The following DNAH17 variants were observed in gnomAD, a reference collection of about 807,000 sequenced individuals.
DNAH17 encodes axonemal beta dynein heavy chain 17.
A neutral mutation model predicts 485.6 loss-of-function variants in DNAH17; 376 were observed. The ratio of observed to expected loss-of-function variants is 0.77; its 90% CI spans 0.71 to 0.84. DNAH17 has a LOEUF of 0.84. Ranked by LOEUF, DNAH17 falls within the 40% of genes least tolerant of loss-of-function variation. The pLI is 0.00. For synonymous variants in DNAH17, 3,031 were observed against 2,405.9 expected (o/e 1.26, Z -7.60); for missense variants, 6,370 against 5,839.3 (o/e 1.09, Z -2.96).
rs199765397 is a variant in DNAH17 at position 78,476,594 on chromosome 17, G to A, written c.8132C>T (p.Ala2711Val). Reference protein sequence around the residue: ...DQETLHRVTMASTKKFFDDLG... With the variant: ...DQETLHRVTMVSTKKFFDDLG... ...TACATCAAAGAACTTCTTGGTGGAG[G>A]CCATGGTGACTCTATGCAATGTTTC... Residue 2711 changes from alanine to valine, a missense_variant, in exon 52 of 81, where the codon GCC (alanine) becomes GTC (valine). Coordinates refer to ENST00000389840, the MANE Select transcript of DNAH17 (RefSeq NM_173628.4). The A allele has an allele frequency of 6.8e-6, 11 of 1,610,782 alleles. No homozygotes were observed. The highest frequency in any genetic ancestry group is 2.2e-5 in the South Asian group (2 of 90,220).
intron 7 of DNAH17, among the ~76,000 whole-genome samples, chr17:78,570,039 T>C (rs1460118007): frequency 2.0e-5 from 3 of 152,202 alleles, no homozygotes; most frequent in Non-Finnish European, 4.4e-5. Flanking sequence ...CCGTCTTCCC[T>C]TTCTTTTCCC....
chr17:78,553,044 A>G (rs559323388), intron 14 of DNAH17, among the ~76,000 whole-genome samples: 2 of 152,106 alleles, frequency 1.3e-5, no homozygotes, highest in East Asian at 3.9e-4. Context: ...CGTTCTTGGG[A>G]TAGTGAATGA....
rs759427139 is a variant in DNAH17, at chr17:78,552,692, C to T, written c.2287+5G>A. The T allele has an allele frequency of 2.0e-5, 33 of 1,610,612 alleles. No homozygotes were observed. Among genetic ancestry groups the T allele is most frequent in the Admixed American group, 1.3e-4 (8 of 59,984 alleles). On this transcript the variant is annotated splice_donor_5th_base_variant and intron_variant, in intron 15 of 80. Transcript: ENST00000389840. ...TCCAATGTGGGAGGAATGTGGCCTC[C>T]GTACCTTCGCCATTCCAGAATAATG... is the stretch of plus-strand genomic sequence containing the variant.
chr17:78,545,536 A>G (rs4969151), intron 16 of DNAH17, among the ~76,000 whole-genome samples: 40,317 of 151,758 alleles, frequency 0.27, 5,835 homozygotes, highest in East Asian at 0.48. Flanking sequence ...GAGCTCTCTC[A>G]TGTCTGTTGC....
chr17:78,545,432 G>A (rs190984643), intron 16 of DNAH17, among the ~76,000 whole-genome samples: 14 of 152,250 alleles, frequency 9.2e-5, no homozygotes, highest in Admixed American at 7.2e-4. Context: ...TCAAGGTGCC[G>A]GCATGTTTGG....
In DNAH17 at chr17:78,427,890, T is replaced by C. The variant is rs1234556454; in HGVS notation, c.12588+635A>G. Among the ~76,000 whole-genome samples the C allele has an allele frequency of 1.9e-4, 27 of 144,060 alleles. No individual in the cohort carries two copies. The Admixed American group carries it at 2.0e-3, about 11-fold the overall frequency. 94.5% of individuals were successfully genotyped at this position (144,060 alleles called of 152,430 possible). Reference sequence around the variant, plus strand: ...CTGAGCCAGGAGAATCGCTTGAACCTGGGAGGCGGAGGTTGCAGTGAGCCG... The same window carrying C: ...CTGAGCCAGGAGAATCGCTTGAACCCGGGAGGCGGAGGTTGCAGTGAGCCG... On this transcript the variant is annotated intron_variant, in intron 77 of 80. Coordinates refer to ENST00000389840, the MANE Select transcript of DNAH17 (RefSeq NM_173628.4).
chr17:78,428,849 T>G, intron 76 of DNAH17, 142 bp from the exon 77 acceptor site: 1 of 1,059,446 alleles, frequency 9.4e-7, no homozygotes, highest in Non-Finnish European at 1.4e-6. Context: ...GCCCCCTTTG[T>G]GGGCTGCCCC....
chr17:78,443,231 G>A (rs1239501659), intron 71 of DNAH17, among the ~76,000 whole-genome samples: 3 of 152,180 alleles, frequency 2.0e-5, no homozygotes, highest in Non-Finnish European at 2.9e-5. Flanking sequence ...ACGAGGAATC[G>A]GATGCACACT....
chr17:78,491,632 A>G lies in DNAH17; in HGVS notation c.6542-62T>C, dbSNP rs578126553. ...CTCCGGCCCCATTCCAGTCCCCACC[A>G]GTCCTGACCCTGGCCTCTCTCTCTG... On this transcript the variant is annotated intron_variant, in intron 42 of 80. Transcript: ENST00000389840. 158 of 1,564,844 alleles carry G rather than the reference A, an allele frequency of 1.0e-4. 3 individuals are homozygous for G. The South Asian group carries it at 1.8e-3, about 18-fold the overall frequency.
intron 6 of DNAH17, 135 bp from the exon 7 acceptor site, chr17:78,570,507 T>TCTC: frequency 3.4e-6 from 4 of 1,167,054 alleles, no homozygotes; most frequent in Non-Finnish European, 4.7e-6. Context: ...GAGAGGCAAC[T>TCTC]CCCTAGGCCC....
chr17:78,507,739 C>T lies in DNAH17; in HGVS notation c.4303G>A (p.Gly1435Ser), dbSNP rs867707950. The change falls in exon 28 of 81, where the codon GGC becomes AGC. Residue 1435 changes from glycine to serine, a missense_variant. Transcript: ENST00000389840. ...EFQHEPHPRT[G>S]TMMLKSSEVL... Reference sequence around the variant, plus strand: ...TCGCTGGACTTGAGCATCATGGTGCCTGTCCGCGGGTGCGGCTCGTGCTGG... The same window carrying T: ...TCGCTGGACTTGAGCATCATGGTGCTTGTCCGCGGGTGCGGCTCGTGCTGG... The T allele has an allele frequency of 6.2e-7, 1 of 1,603,240 alleles. No individual in the cohort carries two copies. Among genetic ancestry groups the T allele is most frequent in the African/African-American group, 1.3e-5 (1 of 74,910 alleles).
chr17:78,548,410 T>C (rs2143533976), intron 16 of DNAH17, among the ~76,000 whole-genome samples: 1 of 152,148 alleles, frequency 6.6e-6, no homozygotes, highest in Admixed American at 6.5e-5. Context: ...TTCACCGTGT[T>C]AGCCAGGATG....
chr17:78,471,657 G>T (rs1277683312), intron 54 of DNAH17, among the ~76,000 whole-genome samples: 1 of 152,162 alleles, frequency 6.6e-6, no homozygotes, highest in Non-Finnish European at 1.5e-5. Context: ...GCCTCTCAAA[G>T]TGCTAGGATT....
chr17:78,493,026 C>T (rs1182082578), intron 41 of DNAH17: 14 of 293,788 alleles, frequency 4.8e-5, no homozygotes, highest in South Asian at 3.9e-4. Flanking sequence ...AATTTTTGTA[C>T]TTTTAGTAGA....
chr17:78,462,901 A>C lies in DNAH17; in HGVS notation c.9117T>G (p.Val3039=). The C allele has an allele frequency of 1.9e-6, 3 of 1,613,978 alleles. No homozygotes were observed. The highest frequency in any genetic ancestry group is 2.5e-6 in the Non-Finnish European group (3 of 1,179,882). The change falls in exon 57 of 81, where the codon GTT becomes GTG. Residue 3039 remains valine, a synonymous_variant. Coordinates refer to ENST00000389840, the MANE Select transcript of DNAH17 (RefSeq NM_173628.4). The stretch of plus-strand genomic sequence containing the variant: ...CGTTCTCCAGCCTCTCGATTTTGGC[A>C]ACAAGTTCCGTTCTCTTCTTGGCCA... ...NLLAKKRTEL[V]AKIERLENGL... is the part of the protein sequence containing the mutation.
chr17:78,457,656 G>A (rs2087871565), intron 62 of DNAH17, among the ~76,000 whole-genome samples: 1 of 121,094 alleles, frequency 8.3e-6, no homozygotes, highest in Admixed American at 1.1e-4. Context: ...GCCGTGCCTG[G>A]CTTTTTTTTT....
intron 54 of DNAH17, among the ~76,000 whole-genome samples, chr17:78,471,104 A>G (rs1236838278): frequency 6.6e-6 from 1 of 152,170 alleles, no homozygotes; most frequent in East Asian, 1.9e-4. Context: ...AACAAGACCT[A>G]TGGGCTTCTG....
At chr17:78,542,488 A>G (rs962277817) in intron 17 of DNAH17, among the ~76,000 whole-genome samples, 7 of 152,172 alleles carry the variant, frequency 4.6e-5, no homozygotes, top group African/African-American at 1.4e-4. Context: ...TTTACAAGCC[A>G]ATGCAAAGCT....
Position 78,571,726 on chromosome 17 carries a change from T to C in DNAH17, c.596A>G (p.Asp199Gly). The C allele has an allele frequency of 6.2e-7, 1 of 1,612,566 alleles. No individual in the cohort carries two copies. The change falls in exon 4 of 81, where the codon GAC becomes GGC. Residue 199 changes from aspartate to glycine, a missense_variant. Asp to Gly is a moderately conservative substitution (Grantham distance 94). Transcript: ENST00000389840. Reference sequence around the variant, plus strand: ...CACATCCCGGATCTGGTGGGACCAGTCGATGATGGTGGTTTCAATGGCGTG... The same window carrying C: ...CACATCCCGGATCTGGTGGGACCAGCCGATGATGGTGGTTTCAATGGCGTG... ...LLHAIETTII[D>G]WSHQIRDVLS...
Sources: gnomAD v4.1 joint callset for allele counts (sites outside exome capture counted in the v4.1 genomes callset) on GRCh38, gnomAD v4.1.1 for gene constraint, MANE v1.5 for transcripts, NCBI Gene and HGNC (gene_info 2026-07-23, HGNC 2026-07-21) for gene names.